Variants in GALNT3 observed in about 807,000 individuals in gnomAD.
GALNT3 encodes the protein polypeptide N-acetylgalactosaminyltransferase 3, also known as GalNAc transferase 3.
A neutral mutation model predicts 69.8 loss-of-function variants in GALNT3; 51 were observed. That is an observed-to-expected ratio of 0.73 (90% CI 0.58 to 0.92). The LOEUF is 0.92. Ranked by LOEUF, GALNT3 falls within the 40% of genes least tolerant of loss-of-function variation. GALNT3 has a pLI of 0.00. For synonymous variants in GALNT3, 265 were observed against 248.5 expected (o/e 1.07, Z -0.63); for missense variants, 711 against 760.0 (o/e 0.94, Z 0.76).
chr2:165,748,561 C>T lies in GALNT3; in HGVS notation c.*220G>A, dbSNP rs965290220. ...AAACATCTCTTCCCCTACATCTGGA[C>T]ATTTTGAAATAGTCTTTGGTATTAC... On this transcript the variant is annotated 3_prime_UTR_variant, in exon 11 of 11. Transcript: ENST00000392701. 9.8e-5 allele frequency: 53 copies of T among 540,654 alleles called. 1 individual carries two copies. The South Asian group carries it at 1.0e-3, about 11-fold the overall frequency. The allele number at this position is 540,654 out of a possible 1,614,324, so 33.5% of individuals were successfully genotyped here. A position where few individuals can be genotyped will look rare whatever the true frequency, so the allele number is the denominator to read the frequency against.
At position 165,748,268 on chromosome 2, in the gene GALNT3, C is replaced by CA. The variant is rs927098234; in HGVS notation, c.*512dup. 18 of 208,280 alleles carry CA rather than the reference C, an allele frequency of 8.6e-5. No individual in the cohort carries two copies. Among genetic ancestry groups the CA allele is most frequent in the Non-Finnish European group, 1.4e-4 (14 of 102,540 alleles). The allele number at this position is 208,280 out of a possible 1,614,324, so 12.9% of individuals were successfully genotyped here. On this transcript the variant is annotated 3_prime_UTR_variant, in exon 11 of 11. Transcript: ENST00000392701. The stretch of plus-strand genomic sequence containing the variant: ...ATTTGACAGACAAGTAAACCAAACG[C>CA]AAAAAAAAGTTCACCTGCATTTTAA...
At chr2:165,763,209 A>G (rs1688582954) in intron 3 of GALNT3, among the ~76,000 whole-genome samples, 1 of 152,202 alleles carries the variant, frequency 6.6e-6, no homozygotes, top group Admixed American at 6.5e-5. Flanking sequence ...CCCAAAACAT[A>G]GCCTCAAAAA....
chr2:165,775,951 A>G (rs1688839434), intron 1 of GALNT3, among the ~76,000 whole-genome samples: 1 of 152,222 alleles, frequency 6.6e-6, no homozygotes, highest in South Asian at 2.1e-4. Flanking sequence ...TTATTTAGAC[A>G]TGGAGATACA....
Position 165,751,888 on chromosome 2 carries a change from G to T in GALNT3, c.1627-1994C>A, listed in dbSNP as rs143020502. On this transcript the variant is annotated intron_variant, in intron 9 of 10. Coordinates refer to ENST00000392701, the MANE Select transcript of GALNT3 (RefSeq NM_004482.4). The stretch of plus-strand genomic sequence containing the variant: ...CTCAGGGAACTAAAATTTGCAAAAC[G>T]GTTTAAGTGCAATGCTTGATTAAAA... 5.4e-3 allele frequency among the ~76,000 whole-genome samples: 821 copies of T among 152,094 alleles called. 9 individuals are homozygous for T. Among genetic ancestry groups the T allele is most frequent in the African/African-American group, 0.018 (740 of 41,484 alleles).
chr2:165,772,339 C>A (rs1377705018), intron 1 of GALNT3, among the ~76,000 whole-genome samples: 3 of 152,058 alleles, frequency 2.0e-5, no homozygotes, highest in Non-Finnish European at 4.4e-5. Context: ...AATCCCAACA[C>A]TTTAGGAAGC....
rs1162726410 is a variant in GALNT3, at chr2:165,759,345, T to C, written c.1064A>G (p.Tyr355Cys). The change falls in exon 5 of 11, where the codon TAC becomes TGC. Residue 355 changes from tyrosine (Y) to cysteine (C), a missense_variant. Transcript: ENST00000392701. ...HEKQRRKDETYPIKTPTFAGG... is the reference protein window; with the variant it reads ...HEKQRRKDETCPIKTPTFAGG... The stretch of plus-strand genomic sequence containing the variant: ...AGAGCAATCATCTTACTTAATTGGG[T>C]AGGTTTCATCTTTCCTTCTTTGCTT... The C allele has an allele frequency of 6.2e-7, 1 of 1,612,664 alleles. No homozygotes were observed. Among genetic ancestry groups the C allele is most frequent in the Non-Finnish European group, 8.5e-7 (1 of 1,178,974 alleles).
chr2:165,758,683 C>A, intron 6 of GALNT3, 64 bp downstream of exon 6: 1 of 1,044,546 alleles, frequency 9.6e-7, no homozygotes, highest in Non-Finnish European at 1.5e-6. Context: ...ATGTACCAGC[C>A]GATTAGAACA....
intron 3 of GALNT3, among the ~76,000 whole-genome samples, chr2:165,763,300 G>A (rs1050006553): frequency 4.6e-5 from 7 of 152,140 alleles, no homozygotes; most frequent in African/African-American, 1.7e-4. Context: ...AAATGCAGAT[G>A]ACTTTGACTT....
rs752806466 is a variant in GALNT3 at position 165,759,507 on chromosome 2, A to G, written c.902T>C (p.Val301Ala). ...LARIAENYTA[V>A]VSPDIASIDL... ...TATGGATGCAATATCTGGACTTACG[A>G]CAGCCGTGTAGTTCTCAGCTATTCT... The change falls in exon 5 of 11, where the codon GTC (valine) becomes GCC (alanine). Residue 301 changes from valine (V) to alanine (A), a missense_variant. Coordinates refer to ENST00000392701, the MANE Select transcript of GALNT3 (RefSeq NM_004482.4). The G allele has an allele frequency of 1.2e-6, 2 of 1,613,938 alleles. No individual in the cohort carries two copies. Among genetic ancestry groups the G allele is most frequent in the Admixed American group, 3.3e-5 (2 of 59,994 alleles).
intron 1 of GALNT3, among the ~76,000 whole-genome samples, chr2:165,780,220 G>T (rs1331820534): frequency 1.3e-5 from 2 of 152,070 alleles, no homozygotes; most frequent in Non-Finnish European, 2.9e-5. Context: ...CATGCAGAAT[G>T]TGTCATTTTG....
At chr2:165,769,406 A>AT (rs1688707614) in intron 2 of GALNT3, among the ~76,000 whole-genome samples, 1 of 71,496 alleles carries the variant, frequency 1.4e-5, no homozygotes, top group Non-Finnish European at 2.9e-5. Flanking sequence ...ACTCCATCTC[A>AT]AAATAATAAT....
intron 1 of GALNT3, among the ~76,000 whole-genome samples, chr2:165,788,959 G>A (rs1683288058): frequency 6.6e-6 from 1 of 152,134 alleles, no homozygotes; most frequent in Non-Finnish European, 1.5e-5. Flanking sequence ...GTGGACTTGA[G>A]GTTGACAACA....
chr2:165,786,457 A>G (rs1683222762), intron 1 of GALNT3, among the ~76,000 whole-genome samples: 1 of 152,220 alleles, frequency 6.6e-6, no homozygotes. Flanking sequence ...GCATCTGCAG[A>G]TGTTCATGTC....
intron 6 of GALNT3, among the ~76,000 whole-genome samples, chr2:165,758,239 G>A (rs1001049731): frequency 2.6e-5 from 4 of 152,136 alleles, no homozygotes; most frequent in African/African-American, 9.7e-5. Context: ...AAAAATGAAT[G>A]ATAAAGTTAC....
intron 4 of GALNT3, chr2:165,761,636 A>G (rs1688550018): frequency 9.4e-6 from 6 of 641,140 alleles, no homozygotes; most frequent in South Asian, 7.0e-5. Flanking sequence ...AAAAGAGGCA[A>G]GGATAACTGG....
intron 1 of GALNT3, among the ~76,000 whole-genome samples, chr2:165,782,047 G>A (rs1683121917): frequency 6.6e-6 from 1 of 152,158 alleles, no homozygotes; most frequent in South Asian, 2.1e-4. Flanking sequence ...GGAGTCTACA[G>A]CCATTCTCTA....
intron 1 of GALNT3, among the ~76,000 whole-genome samples, chr2:165,778,470 T>C (rs557970237): frequency 8.6e-4 from 131 of 152,244 alleles, no homozygotes; most frequent in African/African-American, 3.0e-3. Flanking sequence ...TAAAAGAGGA[T>C]TGGAGTAACA....
chr2:165,750,412 C>T (rs896800210), intron 9 of GALNT3, among the ~76,000 whole-genome samples: 52 of 152,124 alleles, frequency 3.4e-4, no homozygotes, highest in African/African-American at 1.2e-3. Context: ...GACTGGCACA[C>T]GGTGAGTTTT....
At chr2:165,782,357 C>T (rs145487800) in intron 1 of GALNT3, among the ~76,000 whole-genome samples, 421 of 148,670 alleles carry the variant, frequency 2.8e-3, no homozygotes, top group African/African-American at 1.0e-2. Flanking sequence ...CACACTAACA[C>T]GATAGCTGAT....
Sources: allele counts gnomAD v4.1 joint callset (sites outside exome capture counted in the v4.1 genomes callset), GRCh38; gene constraint gnomAD v4.1.1; transcripts MANE v1.5; gene names NCBI Gene and HGNC (gene_info 2026-07-23, HGNC 2026-07-21).